The following ZMAT4 variants were observed in gnomAD, a reference collection of about 807,000 sequenced individuals.
ZMAT4 encodes the protein zinc finger matrin-type protein 4.
Under a neutral mutation model 28.7 loss-of-function variants are expected in ZMAT4, and 17 were observed. That is an observed-to-expected ratio of 0.59 (90% CI 0.41 to 0.89). The LOEUF (loss-of-function observed/expected upper bound fraction) is 0.89, where lower values mean the gene tolerates loss of function less well. Ranked by LOEUF, ZMAT4 falls within the 40% of genes least tolerant of loss-of-function variation. The probability of loss-of-function intolerance (pLI) is 0.00; values close to 1 mark genes in which losing one functional copy is unlikely to be tolerated. For synonymous variants in ZMAT4, 117 were observed against 109.2 expected (o/e 1.07, Z -0.44); for missense variants, 240 against 283.8 (o/e 0.85, Z 1.11).
Position 40,531,299 on chromosome 8 carries a change from CTAGCCCAAG to C in ZMAT4, c.*915_*923del, listed in dbSNP as rs1201207993. On this transcript the variant is annotated 3_prime_UTR_variant, in exon 7 of 7. Transcript: ENST00000297737. ...AAACAGAAGAAATAGGGGACCCCGCCTAGCCCAAGGCCGCCATTTCTTCAGAATTTTCTC... is the reference window on the plus strand; with the variant it reads ...AAACAGAAGAAATAGGGGACCCCGCCGCCGCCATTTCTTCAGAATTTTCTC... The C allele has an allele frequency of 2.0e-5, 3 of 152,194 alleles. No individual in the cohort carries two copies. The highest frequency in any genetic ancestry group is 4.4e-5 in the Non-Finnish European group (3 of 68,036). 9.4% of individuals were successfully genotyped at this position (152,194 alleles called of 1,614,324 possible).
intron 5 of ZMAT4, among the ~76,000 whole-genome samples, chr8:40,601,456 GGGAGGAA>G (rs1805312547): frequency 9.2e-5 from 3 of 32,624 alleles, no homozygotes; most frequent in African/African-American, 1.6e-4. Flanking sequence ...AAGGAAGGAA[GGGAGGAA>G]GAAAGGAAAG....
At chr8:40,566,523 TG>T (rs1803931680) in intron 6 of ZMAT4, among the ~76,000 whole-genome samples, 1 of 152,086 alleles carries the variant, frequency 6.6e-6, no homozygotes, top group African/African-American at 2.4e-5. Context: ...CTCCTTTCCA[TG>T]GGAGGTGCAT....
intron 2 of ZMAT4, among the ~76,000 whole-genome samples, chr8:40,799,120 GAGAC>G (rs1814718658): frequency 6.7e-6 from 1 of 148,780 alleles, no homozygotes; most frequent in South Asian, 2.2e-4. Flanking sequence ...GAGAGAGAGA[GAGAC>G]AGAGAGAAGG....
At chr8:40,551,893 C>A (rs1302853396) in intron 6 of ZMAT4, among the ~76,000 whole-genome samples, 1 of 152,094 alleles carries the variant, frequency 6.6e-6, no homozygotes, top group Admixed American at 6.6e-5. Context: ...ACATAAGCTC[C>A]CAGAGCACTA....
intron 3 of ZMAT4, among the ~76,000 whole-genome samples, chr8:40,750,334 G>T (rs1812406024): frequency 6.6e-6 from 1 of 152,152 alleles, no homozygotes; most frequent in Non-Finnish European, 1.5e-5. Flanking sequence ...AATGCCCAGA[G>T]GTTACTAAAG....
intron 5 of ZMAT4, among the ~76,000 whole-genome samples, chr8:40,655,613 T>C (rs1272141204): frequency 6.6e-6 from 1 of 151,282 alleles, no homozygotes; most frequent in African/African-American, 2.4e-5. Flanking sequence ...AAAAGACATA[T>C]GAATTAATGG....
rs145200091 is a variant in ZMAT4 at position 40,789,273 on chromosome 8, C to T, written c.103-21543G>A. Reference sequence around the variant, plus strand: ...TGTAAAAGGCACCTATGAAAACTTACGGCTAGCGTTGTACTTAATGGTGAA... The same window carrying T: ...TGTAAAAGGCACCTATGAAAACTTATGGCTAGCGTTGTACTTAATGGTGAA... On this transcript the variant is annotated intron_variant, in intron 2 of 6. Transcript: ENST00000297737. Among the ~76,000 whole-genome samples the T allele has an allele frequency of 1.1e-3, 164 of 152,288 alleles. 2 individuals carry two copies. In the East Asian group the frequency reaches 0.026, roughly 24 times the overall value.
chr8:40,653,232 C>G (rs1807762041), intron 5 of ZMAT4, among the ~76,000 whole-genome samples: 1 of 151,928 alleles, frequency 6.6e-6, no homozygotes, highest in African/African-American at 2.4e-5. Flanking sequence ...TATATCCAAA[C>G]TTACAGGATG....
intron 1 of ZMAT4, chr8:40,884,968 T>C (rs959607342): frequency 3.3e-4 from 50 of 152,334 alleles, no homozygotes; most frequent in African/African-American, 1.2e-3. Context: ...AGAAAGAGTT[T>C]GCAAACCCCA....
intron 2 of ZMAT4, chr8:40,786,581 C>G (rs1586049343): frequency 1.4e-6 from 1 of 732,442 alleles, no homozygotes; most frequent in Non-Finnish European, 1.9e-6. Flanking sequence ...AAACAAAGAA[C>G]AGCCAGCATG....
chr8:40,555,864 TA>T (rs1803516582), intron 6 of ZMAT4, among the ~76,000 whole-genome samples: 1 of 152,148 alleles, frequency 6.6e-6, no homozygotes, highest in Admixed American at 6.6e-5. Context: ...ATTTAACACT[TA>T]ACACACTGCA....
intron 1 of ZMAT4, among the ~76,000 whole-genome samples, chr8:40,856,051 C>G (rs957159224): frequency 7.2e-5 from 11 of 152,070 alleles, no homozygotes; most frequent in African/African-American, 2.4e-4. Flanking sequence ...GACCCTCCCC[C>G]CGGTAGGGAA....
chr8:40,886,857 T>C (rs917707068), intron 1 of ZMAT4, among the ~76,000 whole-genome samples: 1 of 149,472 alleles, frequency 6.7e-6, no homozygotes, highest in Non-Finnish European at 1.5e-5. Flanking sequence ...ACACTTGTGA[T>C]TGGAATGACT....
intron 3 of ZMAT4, among the ~76,000 whole-genome samples, chr8:40,747,765 C>G (rs1280334875): frequency 6.6e-6 from 1 of 152,050 alleles, no homozygotes; most frequent in African/African-American, 2.4e-5. Context: ...AATGAGAGAC[C>G]AAACAAACTA....
intron 5 of ZMAT4, among the ~76,000 whole-genome samples, chr8:40,665,791 G>A (rs1047715150): frequency 2.0e-5 from 3 of 152,146 alleles, no homozygotes; most frequent in African/African-American, 7.2e-5. Context: ...GGAGCCATGG[G>A]TCTACCCTGA....
chr8:40,617,074 C>T (rs1806034108), intron 5 of ZMAT4, among the ~76,000 whole-genome samples: 1 of 152,070 alleles, frequency 6.6e-6, no homozygotes, highest in Admixed American at 6.6e-5. Flanking sequence ...AAGAATTTAT[C>T]ATGATGTCAC....
intron 1 of ZMAT4, among the ~76,000 whole-genome samples, chr8:40,893,852 T>C (rs1216274591): frequency 6.6e-6 from 1 of 152,158 alleles, no homozygotes; most frequent in Non-Finnish European, 1.5e-5. Flanking sequence ...GCCCCTATTG[T>C]TCCCCTCTTC....
intron 6 of ZMAT4, among the ~76,000 whole-genome samples, chr8:40,535,832 C>T (rs778391468): frequency 2.6e-4 from 39 of 151,992 alleles, no homozygotes; most frequent in Non-Finnish European, 5.0e-4. Flanking sequence ...GTTCAATAAG[C>T]CAGTGAAAAA....
intron 3 of ZMAT4, among the ~76,000 whole-genome samples, chr8:40,752,820 C>G (rs1187351206): frequency 6.6e-6 from 1 of 152,182 alleles, no homozygotes; most frequent in Admixed American, 6.5e-5. Context: ...CTCTGCATCT[C>G]CCATCACTAC....
Sources: allele counts gnomAD v4.1 joint callset (sites outside exome capture counted in the v4.1 genomes callset), GRCh38; gene constraint gnomAD v4.1.1; transcripts MANE v1.5; gene names NCBI Gene and HGNC (gene_info 2026-07-23, HGNC 2026-07-21).